The following RAB6A variants were observed in gnomAD, a reference collection of about 807,000 sequenced individuals.
RAB6A encodes the protein ras-related protein Rab-6A.
RAB6A carries 8 observed loss-of-function variants against 32.3 expected under a neutral mutation model. The observed-to-expected ratio is 0.25, with a 90% CI of 0.15 to 0.45. The LOEUF (loss-of-function observed/expected upper bound fraction) is 0.45. Ranked by LOEUF, RAB6A falls within the 20% of genes least tolerant of loss-of-function variation. The pLI is 1.00. For synonymous variants in RAB6A, 73 were observed against 82.1 expected (o/e 0.89, Z 0.60); for missense variants, 104 against 249.4 (o/e 0.42, Z 3.93).
At chr11:73,687,695 A>G (rs1945481720) in intron 6 of RAB6A, among the ~76,000 whole-genome samples, 1 of 152,172 alleles carries the variant, frequency 6.6e-6, no homozygotes, top group Admixed American at 6.5e-5. Flanking sequence ...GTTTCTTTTA[A>G]AAATACAAAA....
intron 6 of RAB6A, among the ~76,000 whole-genome samples, chr11:73,683,935 A>G (rs975405632): frequency 6.6e-6 from 1 of 152,202 alleles, no homozygotes; most frequent in Non-Finnish European, 1.5e-5. Flanking sequence ...ATCATTTGTG[A>G]TAAAAGAATC....
intron 6 of RAB6A, among the ~76,000 whole-genome samples, chr11:73,683,628 C>T (rs893457900): frequency 3.9e-5 from 6 of 151,930 alleles, no homozygotes; most frequent in Admixed American, 6.6e-5. Flanking sequence ...TCTCAGCTCG[C>T]CACAACCTCC....
intron 1 of RAB6A, among the ~76,000 whole-genome samples, chr11:73,752,726 G>GA (rs1463334363): frequency 6.6e-6 from 1 of 151,974 alleles, no homozygotes; most frequent in Admixed American, 6.6e-5. Flanking sequence ...GCCGAGGTGG[G>GA]AGGATCACTT....
chr11:73,734,501 A>T (rs1346334825), intron 1 of RAB6A, among the ~76,000 whole-genome samples: 1 of 152,186 alleles, frequency 6.6e-6, no homozygotes, highest in Non-Finnish European at 1.5e-5. Context: ...GCAGTCACCA[A>T]TCTTTTTGGC....
At chr11:73,704,913 G>A (rs111835679) in intron 6 of RAB6A, among the ~76,000 whole-genome samples, 3 of 150,110 alleles carry the variant, frequency 2.0e-5, no homozygotes, top group East Asian at 2.0e-4. Flanking sequence ...GGAGAATGGC[G>A]TGAACCTGGG....
At position 73,727,725 on chromosome 11, in the gene RAB6A, C is replaced by A. The variant is rs747978239; in HGVS notation, c.129+3040G>T. On this transcript the variant is annotated intron_variant, in intron 2 of 7. Transcript: ENST00000336083. ...TACTTCAAATGTGGAAAAATACATA[C>A]TAAGAGGATTTAGATTTTAAGATTA... 2.4e-4 allele frequency among the ~76,000 whole-genome samples: 36 copies of A among 152,024 alleles called. 1 individual carries two copies. The highest frequency in any genetic ancestry group is 3.2e-3 in the Middle Eastern group (1 of 316).
intron 1 of RAB6A, among the ~76,000 whole-genome samples, chr11:73,741,577 G>C (rs560194235): frequency 6.6e-6 from 1 of 151,580 alleles, no homozygotes; most frequent in East Asian, 1.9e-4. Context: ...CTTTTTATTA[G>C]TAACTGGCAA....
intron 1 of RAB6A, among the ~76,000 whole-genome samples, chr11:73,754,393 A>T (rs1215681726): frequency 2.8e-4 from 42 of 152,212 alleles, no homozygotes; most frequent in Admixed American, 2.7e-3. Flanking sequence ...AACCATTTTC[A>T]TAAGATTAAG....
chr11:73,720,822 T>C, intron 3 of RAB6A, 24 bp downstream of exon 3: 7 of 1,573,982 alleles, frequency 4.4e-6, no homozygotes, highest in Non-Finnish European at 6.1e-6. Flanking sequence ...TTGCAGAAAA[T>C]TGCACACTGA....
At chr11:73,692,991 A>G (rs1304832739) in intron 6 of RAB6A, among the ~76,000 whole-genome samples, 1 of 151,890 alleles carries the variant, frequency 6.6e-6, no homozygotes, top group African/African-American at 2.4e-5. Flanking sequence ...AAAAAACAAA[A>G]AACAAAAAAA....
intron 5 of RAB6A, among the ~76,000 whole-genome samples, chr11:73,714,209 A>AAAAT (rs35864471): frequency 8.7e-4 from 50 of 57,566 alleles, no homozygotes; most frequent in African/African-American, 2.7e-3. Context: ...AAAAAAAAAA[A>AAAAT]ATATATATAT....
chr11:73,695,980 A>G (rs1354170210), intron 6 of RAB6A, among the ~76,000 whole-genome samples: 1 of 152,150 alleles, frequency 6.6e-6, no homozygotes, highest in Non-Finnish European at 1.5e-5. Context: ...GGAGAAGGAG[A>G]TTTCAAAATA....
chr11:73,690,440 T>A (rs1169872906), intron 6 of RAB6A, among the ~76,000 whole-genome samples: 2 of 152,180 alleles, frequency 1.3e-5, no homozygotes, highest in East Asian at 3.9e-4. Flanking sequence ...TGGAGTGCAA[T>A]GAAAATGTGA....
intron 3 of RAB6A, among the ~76,000 whole-genome samples, chr11:73,720,180 CTTTTT>C (rs10688172): frequency 1.5e-5 from 2 of 130,696 alleles, no homozygotes; most frequent in South Asian, 2.4e-4. Context: ...ATACACATTA[CTTTTT>C]TTTTTTTTTT....
intron 5 of RAB6A, 32 bp downstream of exon 5, chr11:73,716,219 A>C (rs1485309286): frequency 6.8e-7 from 1 of 1,480,908 alleles, no homozygotes; most frequent in South Asian, 1.2e-5. Context: ...CACAGAAATC[A>C]AACATTACAC....
intron 5 of RAB6A, 142 bp from the exon 6 acceptor site, chr11:73,707,655 C>A: frequency 1.7e-6 from 1 of 579,072 alleles, no homozygotes. Flanking sequence ...ATTAATCTGC[C>A]ACACTCTTGA....
At chr11:73,690,677 C>T (rs564330443) in intron 6 of RAB6A, among the ~76,000 whole-genome samples, 73 of 139,162 alleles carry the variant, frequency 5.2e-4, no homozygotes, top group Non-Finnish European at 9.6e-4. Flanking sequence ...TTGCTGGCTT[C>T]GAAATACCAT....
chr11:73,744,037 T>A (rs1012256422), intron 1 of RAB6A, among the ~76,000 whole-genome samples: 16 of 151,776 alleles, frequency 1.1e-4, no homozygotes, highest in Non-Finnish European at 2.2e-4. Flanking sequence ...AGACCCTATC[T>A]CTACAAAAAA....
chr11:73,675,908 A>G lies in RAB6A; in HGVS notation c.*1990T>C, dbSNP rs544349102. The stretch of plus-strand genomic sequence containing the variant: ...ATGACCCATCTGCCATATTGAATCA[A>G]TATTTATTTCAGGACATGCCATGTC... On this transcript the variant is annotated 3_prime_UTR_variant, in exon 8 of 8. Transcript: ENST00000336083. The G allele has an allele frequency of 1.2e-5, 2 of 167,250 alleles. No individual in the cohort carries two copies. Among genetic ancestry groups the G allele is most frequent in the African/African-American group, 4.8e-5 (2 of 41,586 alleles). The allele number at this position is 167,250 out of a possible 1,614,324, so 10.4% of individuals were successfully genotyped here. A position where few individuals can be genotyped will look rare whatever the true frequency, so the allele number is the denominator to read the frequency against.
Sources: gnomAD v4.1 joint callset for allele counts (sites outside exome capture counted in the v4.1 genomes callset) on GRCh38, gnomAD v4.1.1 for gene constraint, MANE v1.5 for transcripts, NCBI Gene and HGNC (gene_info 2026-07-23, HGNC 2026-07-21) for gene names.